Variants in ARHGEF12 observed in about 807,000 individuals in gnomAD.
ARHGEF12 encodes the protein Rho guanine nucleotide exchange factor 12.
In ARHGEF12, 66 loss-of-function variants were observed where a neutral mutation model predicts 211.2. The observed-to-expected ratio is 0.31, with a 90% CI of 0.26 to 0.38. The LOEUF (loss-of-function observed/expected upper bound fraction) is 0.38. Among genes scored for constraint, ARHGEF12 ranks in the 10% least tolerant of loss-of-function variants. The pLI is 1.00. For synonymous variants in ARHGEF12, 592 were observed against 638.4 expected, an observed-to-expected ratio of 0.93 and a Z score of 1.09; for missense variants, 1,429 against 1,869.5, an observed-to-expected ratio of 0.76 and a Z score of 4.34.
chr11:120,413,902 C>T (rs1184832244), intron 4 of ARHGEF12, among the ~76,000 whole-genome samples: 1 of 152,168 alleles, frequency 6.6e-6, no homozygotes, highest in East Asian at 1.9e-4. Context: ...GGTTATCTTA[C>T]ATGTTTAACA....
intron 31 of ARHGEF12, 112 bp downstream of exon 31, chr11:120,473,239 G>A (rs577972014): frequency 1.8e-5 from 16 of 903,048 alleles, no homozygotes; most frequent in Middle Eastern, 3.3e-4. Context: ...TTCTTGTATC[G>A]TAGATTATCT....
intron 6 of ARHGEF12, among the ~76,000 whole-genome samples, chr11:120,422,117 T>A (rs1945210982): frequency 6.6e-6 from 1 of 152,252 alleles, no homozygotes; most frequent in Admixed American, 6.5e-5. Flanking sequence ...CATTTCTGTC[T>A]AGATTAGTCT....
At chr11:120,436,292 C>T (rs1022673731) in intron 11 of ARHGEF12, among the ~76,000 whole-genome samples, 1 of 152,112 alleles carries the variant, frequency 6.6e-6, no homozygotes, top group Admixed American at 6.6e-5. Context: ...ACCTGAAAGT[C>T]ATTCATTTCT....
At chr11:120,341,506 T>A (rs1942536306) in intron 1 of ARHGEF12, among the ~76,000 whole-genome samples, 1 of 152,224 alleles carries the variant, frequency 6.6e-6, no homozygotes, top group Non-Finnish European at 1.5e-5. Context: ...GGAAAACAGT[T>A]GGAAAATATT....
At position 120,367,489 on chromosome 11, in the gene ARHGEF12, C is replaced by A. The variant is rs912963927; in HGVS notation, c.32+30214C>A. Reference sequence around the variant, plus strand: ...CAAGCGATTCTCCTGCCTTAGCCTTCTGAGTAGCTGGGATTACAGGCGCAT... The same window carrying A: ...CAAGCGATTCTCCTGCCTTAGCCTTATGAGTAGCTGGGATTACAGGCGCAT... On this transcript the variant is annotated intron_variant, in intron 1 of 40. Transcript: ENST00000397843. Among the ~76,000 whole-genome samples, 8 of 148,402 alleles carry A rather than the reference C, an allele frequency of 5.4e-5. No individual in the cohort carries two copies. The East Asian group carries it at 1.6e-3, about 30-fold the overall frequency.
At chr11:120,446,223 A>C (rs1359411256) in intron 16 of ARHGEF12, among the ~76,000 whole-genome samples, 180 bp from the exon 17 acceptor site, 2 of 149,768 alleles carry the variant, frequency 1.3e-5, no homozygotes, top group Non-Finnish European at 3.0e-5. Context: ...TAATAATAAT[A>C]ATAATAATAA....
intron 10 of ARHGEF12, among the ~76,000 whole-genome samples, chr11:120,431,410 A>C (rs574077464): frequency 1.3e-5 from 2 of 152,350 alleles, no homozygotes; most frequent in African/African-American, 4.8e-5. Flanking sequence ...AAGGTAGTTA[A>C]CAAGAAACTA....
intron 1 of ARHGEF12, among the ~76,000 whole-genome samples, chr11:120,349,923 C>T (rs1020917081): frequency 3.9e-5 from 6 of 152,166 alleles, no homozygotes; most frequent in East Asian, 3.9e-4. Flanking sequence ...AATGCGTTTG[C>T]GAGTGAGGAA....
intron 1 of ARHGEF12, among the ~76,000 whole-genome samples, chr11:120,351,691 G>T (rs909368323): frequency 6.6e-6 from 1 of 151,498 alleles, no homozygotes; most frequent in African/African-American, 2.4e-5. Flanking sequence ...GGCTGGTCTC[G>T]AACTCCTGAC....
At chr11:120,453,290 C>G (rs942948122) in intron 22 of ARHGEF12, among the ~76,000 whole-genome samples, 17 of 152,120 alleles carry the variant, frequency 1.1e-4, no homozygotes, top group African/African-American at 3.9e-4. Context: ...TTTCATGGCT[C>G]CTGTGACTTA....
intron 1 of ARHGEF12, among the ~76,000 whole-genome samples, chr11:120,358,411 G>A (rs532596514): frequency 6.6e-6 from 1 of 152,168 alleles, no homozygotes; most frequent in East Asian, 1.9e-4. Flanking sequence ...AAAGGGAGAA[G>A]GCAGGGTTTT....
intron 1 of ARHGEF12, among the ~76,000 whole-genome samples, chr11:120,366,461 A>C (rs533979313): frequency 6.6e-6 from 1 of 152,150 alleles, no homozygotes. Flanking sequence ...CCTGCCCTTA[A>C]GTTATTTTTT....
intron 4 of ARHGEF12, among the ~76,000 whole-genome samples, chr11:120,412,163 C>T (rs1407659708): frequency 6.6e-6 from 1 of 152,162 alleles, no homozygotes; most frequent in African/African-American, 2.4e-5. Context: ...TTTAATAATA[C>T]TTAATTTTAT....
chr11:120,395,399 A>G (rs1316188679), intron 1 of ARHGEF12, among the ~76,000 whole-genome samples: 2 of 152,178 alleles, frequency 1.3e-5, no homozygotes, highest in Non-Finnish European at 2.9e-5. Flanking sequence ...GAAGACTGGA[A>G]TGAACCTGAT....
chr11:120,339,165 CT>C (rs1366537838), intron 1 of ARHGEF12, among the ~76,000 whole-genome samples: 4 of 151,352 alleles, frequency 2.6e-5, no homozygotes, highest in Non-Finnish European at 4.4e-5. Context: ...AAGAAAAGAC[CT>C]TGGAAAGCCA....
chr11:120,468,521 T>C (rs1946774017), intron 29 of ARHGEF12, among the ~76,000 whole-genome samples: 1 of 152,248 alleles, frequency 6.6e-6, no homozygotes, highest in African/African-American at 2.4e-5. Flanking sequence ...CAATCTCTGC[T>C]CACTGCAACC....
At chr11:120,386,390 C>T (rs1422985405) in intron 1 of ARHGEF12, among the ~76,000 whole-genome samples, 1 of 152,130 alleles carries the variant, frequency 6.6e-6, no homozygotes, top group East Asian at 1.9e-4. Flanking sequence ...TTAAGTGCTA[C>T]AGACTTCTCT....
chr11:120,407,632 A>G, intron 2 of ARHGEF12, 106 bp from the exon 3 acceptor site: 1 of 804,940 alleles, frequency 1.2e-6, no homozygotes, highest in Non-Finnish European at 2.0e-6. Flanking sequence ...TGTGTAAAGT[A>G]AACTGATTTC....
chr11:120,483,393 T>C (rs1488106486), intron 39 of ARHGEF12, among the ~76,000 whole-genome samples: 2 of 150,106 alleles, frequency 1.3e-5, no homozygotes, highest in East Asian at 3.9e-4. Context: ...CCCAAGGAGC[T>C]GGGACTACAG....
Sources: gnomAD v4.1 joint callset for allele counts (sites outside exome capture counted in the v4.1 genomes callset) on GRCh38, gnomAD v4.1.1 for gene constraint, MANE v1.5 for transcripts, NCBI Gene and HGNC (gene_info 2026-07-23, HGNC 2026-07-21) for gene names.